SLC4A8: variants seen among roughly 807,000 people sequenced by gnomAD.
SLC4A8 encodes solute carrier family 4 member 8, also known as electroneutral sodium bicarbonate exchanger 1.
A neutral mutation model predicts 125.0 loss-of-function variants in SLC4A8; 40 were observed. That is an observed-to-expected ratio of 0.32 (90% CI 0.25 to 0.42). The LOEUF (loss-of-function observed/expected upper bound fraction) is 0.42, where lower values mean the gene tolerates loss of function less well. SLC4A8 is among the 10% of genes least tolerant of loss of function. SLC4A8 has a pLI of 1.00. For missense variants in SLC4A8, 863 were observed against 1,355.1 expected (o/e 0.64, Z 5.70); for synonymous variants, 456 against 476.0 (o/e 0.96, Z 0.55).
intron 1 of SLC4A8, among the ~76,000 whole-genome samples, chr12:51,426,973 C>T (rs1169916959): frequency 1.4e-5 from 2 of 138,934 alleles, no homozygotes; most frequent in Non-Finnish European, 3.0e-5. Context: ...GAGTCTTGCT[C>T]TGTCGCCCAG....
chr12:51,473,949 G>T (rs1217663142), intron 14 of SLC4A8, among the ~76,000 whole-genome samples: 1 of 152,222 alleles, frequency 6.6e-6, no homozygotes, highest in Non-Finnish European at 1.5e-5. Flanking sequence ...TGAGAAGTAA[G>T]TGGGATATCG....
At chr12:51,480,414 G>A in intron 16 of SLC4A8, 1 of 1,117,214 alleles carries the variant, frequency 9.0e-7, no homozygotes, top group Non-Finnish European at 1.1e-6. Context: ...ATCTGTGAGT[G>A]AAAAGTGGAA....
intron 17 of SLC4A8, among the ~76,000 whole-genome samples, chr12:51,487,262 C>G (rs1413829765): frequency 6.6e-6 from 1 of 152,172 alleles, no homozygotes. Context: ...TGGCACTCAA[C>G]TCCCAAGACC....
At chr12:51,445,103 C>T (rs896500649) in intron 2 of SLC4A8, among the ~76,000 whole-genome samples, 1 of 152,202 alleles carries the variant, frequency 6.6e-6, no homozygotes, top group Admixed American at 6.5e-5. Flanking sequence ...CCAGCTCTAT[C>T]TAGCTGTACT....
At chr12:51,393,354 C>A (rs755532659) in intron 1 of SLC4A8, among the ~76,000 whole-genome samples, 2 of 151,960 alleles carry the variant, frequency 1.3e-5, no homozygotes, top group Non-Finnish European at 2.9e-5. Context: ...CTCGGCCTCG[C>A]AAAGTGATGG....
chr12:51,455,459 T>G (rs1950117365), intron 5 of SLC4A8, among the ~76,000 whole-genome samples: 1 of 152,160 alleles, frequency 6.6e-6, no homozygotes, highest in Non-Finnish European at 1.5e-5. Flanking sequence ...TTAAAGACTT[T>G]AAAATATAGC....
intron 17 of SLC4A8, among the ~76,000 whole-genome samples, chr12:51,488,118 T>C (rs1320420010): frequency 6.6e-6 from 1 of 152,220 alleles, no homozygotes; most frequent in Non-Finnish European, 1.5e-5. Context: ...TAATTGAAGA[T>C]TGACTGTTTC....
At position 51,481,142 on chromosome 12, in the gene SLC4A8, A is replaced by G. The variant is rs150974300; in HGVS notation, c.2173-4645A>G. 2.0e-5 allele frequency among the ~76,000 whole-genome samples: 3 copies of G among 152,284 alleles called. No individual in the cohort carries two copies. The East Asian group carries it at 5.8e-4, about 29-fold the overall frequency. On this transcript the variant is annotated intron_variant, in intron 16 of 24. Coordinates refer to ENST00000453097, the MANE Select transcript of SLC4A8 (RefSeq NM_001039960.3). Reference sequence around the variant, plus strand: ...GGGTCAGACATGTGAAATGTGAGGGACCATTTAGAGATTTAGATGTTATAT... The same window carrying G: ...GGGTCAGACATGTGAAATGTGAGGGGCCATTTAGAGATTTAGATGTTATAT...
At chr12:51,445,766 C>T (rs867374595) in intron 2 of SLC4A8, among the ~76,000 whole-genome samples, 3 of 152,100 alleles carry the variant, frequency 2.0e-5, no homozygotes, top group African/African-American at 7.2e-5. Context: ...CCATCCTACC[C>T]CTTACCCTAG....
At chr12:51,440,370 G>C (rs1345628579) in intron 1 of SLC4A8, among the ~76,000 whole-genome samples, 1 of 151,248 alleles carries the variant, frequency 6.6e-6, no homozygotes, top group Non-Finnish European at 1.5e-5. Context: ...AGCTATGATT[G>C]TATCACTGCA....
rs921478253 is a variant in SLC4A8 at position 51,461,425 on chromosome 12, A to G, written c.1101+134A>G. On this transcript the variant is annotated intron_variant, in intron 9 of 24. Transcript: ENST00000453097. ...TATCTGCTGGGAAGTAGTTCAGGGT[A>G]CTTCTCTGAGAGCCCAGTGTGGAAG... 6.6e-6 allele frequency: 4 copies of G among 601,984 alleles called. No individual in the cohort carries two copies. In the East Asian group the frequency reaches 1.2e-4, roughly 17 times the overall value. The allele number at this position is 601,984 out of a possible 1,614,324, so 37.3% of individuals were successfully genotyped here.
At chr12:51,493,239 AC>A (rs772453479) in intron 19 of SLC4A8, among the ~76,000 whole-genome samples, 1 of 152,184 alleles carries the variant, frequency 6.6e-6, no homozygotes, top group Non-Finnish European at 1.5e-5. Context: ...TTGATAAGAT[AC>A]GTCCCCACTC....
intron 1 of SLC4A8, among the ~76,000 whole-genome samples, chr12:51,440,403 T>C (rs2138124823): frequency 7.8e-6 from 1 of 128,988 alleles, no homozygotes; most frequent in African/African-American, 3.0e-5. Flanking sequence ...TGACCCATTC[T>C]CTCTCTGTTT....
intron 1 of SLC4A8, among the ~76,000 whole-genome samples, chr12:51,399,866 C>G (rs1948338026): frequency 6.6e-6 from 1 of 152,090 alleles, no homozygotes; most frequent in African/African-American, 2.4e-5. Context: ...CCTATAATCC[C>G]AGCTACTTGG....
chr12:51,485,742 G>A (rs760287111), intron 16 of SLC4A8, 45 bp from the exon 17 acceptor site: 1 of 1,081,816 alleles, frequency 9.2e-7, no homozygotes, highest in South Asian at 1.3e-5. Flanking sequence ...CTTTTCTACT[G>A]TATTTAACCT....
rs774455181 is a variant in SLC4A8 at position 51,457,413 on chromosome 12, C to T, written c.637C>T (p.Arg213Trp). ...GAATGACAGCATGAGGGTTAAAGTG[C>T]GGGAAGCCCTTCTCAAAAAGCATCA... is the stretch of plus-strand genomic sequence containing the variant. Reference protein sequence around the residue: ...DLNDSMRVKVREALLKKHHHQ... With the variant: ...DLNDSMRVKVWEALLKKHHHQ... Residue 213 changes from arginine to tryptophan, a missense_variant, in exon 6 of 25, where the codon CGG becomes TGG. Arg to Trp is a moderately radical substitution (Grantham distance 101). This residue lies in a region of SLC4A8 where 390 missense variants were observed against 634.4 expected (regional missense o/e 0.61). Coordinates refer to ENST00000453097, the MANE Select transcript of SLC4A8 (RefSeq NM_001039960.3). 9.3e-6 allele frequency: 15 copies of T among 1,613,838 alleles called. No individual in the cohort carries two copies. The highest frequency in any genetic ancestry group is 1.2e-5 in the Non-Finnish European group (14 of 1,179,920).
intron 2 of SLC4A8, among the ~76,000 whole-genome samples, chr12:51,444,137 G>A (rs1949692485): frequency 6.6e-6 from 1 of 152,184 alleles, no homozygotes; most frequent in South Asian, 2.1e-4. Context: ...GTAGGTAGAA[G>A]ACGGGGGCAA....
In SLC4A8 at chr12:51,461,291, G is replaced by A; in HGVS notation, c.1101G>A (p.Glu367=). Reference sequence around the variant, plus strand: ...CCATGGCCACCATCATGACAGATGAGGTATGTGCAACTTTTGCTTCAGTCT... The same window carrying A: ...CCATGGCCACCATCATGACAGATGAAGTATGTGCAACTTTTGCTTCAGTCT... ...GRSMATIMTD[E]IFHDVAYKAK... is the part of the protein sequence containing the mutation. Residue 367 remains glutamate, a splice_region_variant and synonymous_variant, in exon 9 of 25, where the codon GAG becomes GAA. Coordinates refer to ENST00000453097, the MANE Select transcript of SLC4A8 (RefSeq NM_001039960.3). 1.3e-6 allele frequency: 2 copies of A among 1,581,338 alleles called. No individual in the cohort carries two copies. Among genetic ancestry groups the A allele is most frequent in the South Asian group, 1.1e-5 (1 of 90,298 alleles).
At chr12:51,447,239 C>T (rs924739085) in intron 2 of SLC4A8, among the ~76,000 whole-genome samples, 18 of 152,062 alleles carry the variant, frequency 1.2e-4, no homozygotes, top group African/African-American at 3.9e-4. Flanking sequence ...CACACCACCA[C>T]ACCTGTCTAA....
Sources: allele counts gnomAD v4.1 joint callset (sites outside exome capture counted in the v4.1 genomes callset), GRCh38; gene constraint gnomAD v4.1.1; regional missense constraint gnomAD v4.1.1; transcripts MANE v1.5; gene names NCBI Gene and HGNC (gene_info 2026-07-23, HGNC 2026-07-21).